Variants in RHOQ observed in about 807,000 individuals in gnomAD.
The protein encoded by RHOQ is rho-related GTP-binding protein RhoQ.
RHOQ carries 7 observed loss-of-function variants against 25.8 expected under a neutral mutation model. The observed-to-expected ratio is 0.27, with a 90% CI of 0.15 to 0.51. The LOEUF (loss-of-function observed/expected upper bound fraction) is 0.51, where lower values mean the gene tolerates loss of function less well. Among genes scored for constraint, RHOQ ranks in the 20% least tolerant of loss-of-function variants. The pLI is 0.97. For synonymous variants in RHOQ, 97 were observed against 98.6 expected (o/e 0.98, Z 0.10); for missense variants, 165 against 260.6 (o/e 0.63, Z 2.53).
In RHOQ at chr2:46,576,532, A is replaced by G. The variant is rs1414192832; in HGVS notation, c.367-29A>G. 5.3e-6 allele frequency: 7 copies of G among 1,319,164 alleles called. No individual in the cohort carries two copies. Among genetic ancestry groups the G allele is most frequent in the Non-Finnish European group, 7.5e-6 (7 of 932,506 alleles). 81.7% of individuals were successfully genotyped at this position (1,319,164 alleles called of 1,614,324 possible). A position where few individuals can be genotyped will look rare whatever the true frequency, so the allele number is the denominator to read the frequency against. On this transcript the variant is annotated intron_variant, in intron 3 of 4. Transcript: ENST00000238738. This position sits in a 1 kb window ranked among gnomAD's most constrained non-coding sequence, Gnocchi z 5.1. Reference sequence around the variant, plus strand: ...TTTTTCTTTAAAGATTTGTAATATTATGGGACATTATTGACCTTTCTTAAT... The same window carrying G: ...TTTTTCTTTAAAGATTTGTAATATTGTGGGACATTATTGACCTTTCTTAAT...
At position 46,576,539 on chromosome 2, in the gene RHOQ, A is replaced by G. The variant is rs759208401; in HGVS notation, c.367-22A>G. 2.1e-6 allele frequency: 3 copies of G among 1,402,998 alleles called. No individual in the cohort carries two copies. Among genetic ancestry groups the G allele is most frequent in the Admixed American group, 1.9e-5 (1 of 53,128 alleles). 86.9% of individuals were successfully genotyped at this position (1,402,998 alleles called of 1,614,324 possible). ...TTAAAGATTTGTAATATTATGGGAC[A>G]TTATTGACCTTTCTTAATTAGATTG... On this transcript the variant is annotated intron_variant, in intron 3 of 4. Coordinates refer to ENST00000238738, the MANE Select transcript of RHOQ (RefSeq NM_012249.4). This position sits in a 1 kb window ranked among gnomAD's most constrained non-coding sequence, Gnocchi z 5.1.
chr2:46,575,557 C>G (rs1458664277), intron 2 of RHOQ, among the ~76,000 whole-genome samples: 1 of 152,054 alleles, frequency 6.6e-6, no homozygotes, highest in Admixed American at 6.6e-5. Flanking sequence ...AATCTCAGCT[C>G]CTTGACTTAC....
At chr2:46,564,668 C>G (rs992207425) in intron 2 of RHOQ, among the ~76,000 whole-genome samples, 1 of 152,234 alleles carries the variant, frequency 6.6e-6, no homozygotes, top group African/African-American at 2.4e-5. Context: ...CAGCCTTCAT[C>G]TGAGTGTAGT....
At chr2:46,558,876 T>G (rs1668483655) in intron 2 of RHOQ, among the ~76,000 whole-genome samples, 1 of 152,196 alleles carries the variant, frequency 6.6e-6, no homozygotes, top group South Asian at 2.1e-4. Context: ...GTTTTTGAAA[T>G]GTGATTCTAT....
Position 46,576,984 on chromosome 2 carries a change from T to C in RHOQ, c.462+328T>C, listed in dbSNP as rs1669149806. 5.1e-6 allele frequency: 1 copy of C among 196,816 alleles called. No individual in the cohort carries two copies. Among genetic ancestry groups the C allele is most frequent in the Admixed American group, 5.9e-5 (1 of 17,048 alleles). The allele number at this position is 196,816 out of a possible 1,614,324, so 12.2% of individuals were successfully genotyped here. A position where few individuals can be genotyped will look rare whatever the true frequency, so the allele number is the denominator to read the frequency against. Reference sequence around the variant, plus strand: ...TGATATTTTCCTAAAAAGTCACATATGGAAAAAAGCATCGGAAACACGTGT... The same window carrying C: ...TGATATTTTCCTAAAAAGTCACATACGGAAAAAAGCATCGGAAACACGTGT... On this transcript the variant is annotated intron_variant, in intron 4 of 4. Coordinates refer to ENST00000238738, the MANE Select transcript of RHOQ (RefSeq NM_012249.4). The surrounding 1 kb of genome is among the most constrained non-coding windows in gnomAD (Gnocchi z 5.1).
At chr2:46,558,181 C>T (rs1330067742) in intron 2 of RHOQ, among the ~76,000 whole-genome samples, 3 of 152,262 alleles carry the variant, frequency 2.0e-5, no homozygotes, top group Non-Finnish European at 2.9e-5. Context: ...TGGGCTGGTG[C>T]CTCTTGCCTG....
chr2:46,544,146 A>T (rs1212547315), intron 2 of RHOQ, among the ~76,000 whole-genome samples: 1 of 151,814 alleles, frequency 6.6e-6, no homozygotes, highest in Non-Finnish European at 1.5e-5. Context: ...GTTGCAGATG[A>T]CCAGGTCTCC....
chr2:46,555,892 C>A lies in RHOQ; in HGVS notation c.201+12080C>A, dbSNP rs1317085790. 6.6e-6 allele frequency among the ~76,000 whole-genome samples: 1 copy of A among 152,176 alleles called. No individual in the cohort carries two copies. The highest frequency in any genetic ancestry group is 2.4e-5 in the African/African-American group (1 of 41,428). On this transcript the variant is annotated intron_variant, in intron 2 of 4. Transcript: ENST00000238738. The surrounding 1 kb of genome is among the most constrained non-coding windows in gnomAD (Gnocchi z 4.3). The stretch of plus-strand genomic sequence containing the variant: ...AGCTAGTATGGAAGTAGCATCTAGG[C>A]AAGCTGGTGTTAAGACGCAAGTAAT...
rs139884561 is a variant in RHOQ at position 46,577,461 on chromosome 2, G to A, written c.462+805G>A. ...GTGGCCCAGGTTGGAGTGCAGTGAC[G>A]GGATCTCAGCTCACTGCAAGCTCTG... is the stretch of plus-strand genomic sequence containing the variant. On this transcript the variant is annotated intron_variant, in intron 4 of 4. Coordinates refer to ENST00000238738, the MANE Select transcript of RHOQ (RefSeq NM_012249.4). Among the ~76,000 whole-genome samples the A allele has an allele frequency of 3.5e-4, 50 of 144,320 alleles. No individual in the cohort carries two copies. The East Asian group carries it at 9.6e-3, about 28-fold the overall frequency. 94.7% of individuals were successfully genotyped at this position (144,320 alleles called of 152,430 possible).
chr2:46,579,869 G>A (rs903430315), intron 4 of RHOQ, among the ~76,000 whole-genome samples: 1 of 149,430 alleles, frequency 6.7e-6, no homozygotes, highest in Non-Finnish European at 1.5e-5. Flanking sequence ...CCCTGAAGTC[G>A]TACTTGACCT....
intron 4 of RHOQ, among the ~76,000 whole-genome samples, chr2:46,578,602 A>AAAAAAAAAAAAAAAAG (rs1669226061): frequency 7.2e-6 from 1 of 138,880 alleles, no homozygotes; most frequent in Non-Finnish European, 1.5e-5. Context: ...AAAAAAAAAA[A>AAAAAAAAAAAAAAAAG]AAAATTAGCT....
chr2:46,567,951 G>A (rs752116175), intron 2 of RHOQ, among the ~76,000 whole-genome samples: 30 of 152,000 alleles, frequency 2.0e-4, no homozygotes, highest in African/African-American at 5.6e-4. Flanking sequence ...GCATATGCCC[G>A]TAGTATCAAC....
chr2:46,543,450 TTGACC>T, intron 1 of RHOQ: 1 of 600,048 alleles, frequency 1.7e-6, no homozygotes, highest in Non-Finnish European at 3.0e-6. Flanking sequence ...GCCGTCCTCC[TTGACC>T]TTCCCACATC....
In RHOQ at chr2:46,581,492, A is replaced by G. The variant is rs776499331; in HGVS notation, c.*409A>G. 23 of 1,611,112 alleles carry G rather than the reference A, an allele frequency of 1.4e-5. No homozygotes were observed. The highest frequency in any genetic ancestry group is 1.7e-5 in the Non-Finnish European group (20 of 1,179,414). On this transcript the variant is annotated 3_prime_UTR_variant, in exon 5 of 5. Transcript: ENST00000238738. ...CTTTGCTCCAGTTAATTGTTCTTGTATGTAAGTTGCTTTCTATTCCAGTAT... is the reference window on the plus strand; with the variant it reads ...CTTTGCTCCAGTTAATTGTTCTTGTGTGTAAGTTGCTTTCTATTCCAGTAT...
In RHOQ at chr2:46,543,192, A is replaced by C. The variant is rs765373657; in HGVS notation, c.142+4A>C. ...ACCGTCTTCGACCACTACGCAGGTA[A>C]GCCTCGGAACTGCTGACTAAGGGGC... is the stretch of plus-strand genomic sequence containing the variant. On this transcript the variant is annotated splice_donor_region_variant and intron_variant, in intron 1 of 4. Transcript: ENST00000238738. 2 of 1,611,486 alleles carry C rather than the reference A, an allele frequency of 1.2e-6. No individual in the cohort carries two copies. The highest frequency in any genetic ancestry group is 1.7e-6 in the Non-Finnish European group (2 of 1,179,180).
At chr2:46,546,932 G>A (rs1191374172) in intron 2 of RHOQ, among the ~76,000 whole-genome samples, 1 of 152,154 alleles carries the variant, frequency 6.6e-6, no homozygotes, top group Non-Finnish European at 1.5e-5. Flanking sequence ...TTTGCGCATT[G>A]TAATTCCCAT....
chr2:46,558,032 G>A (rs1167218097), intron 2 of RHOQ, among the ~76,000 whole-genome samples: 4 of 152,026 alleles, frequency 2.6e-5, no homozygotes, highest in Non-Finnish European at 5.9e-5. Flanking sequence ...TTATCTTGTT[G>A]CTTCTCTTAC....
At chr2:46,550,151 T>A (rs1668197062) in intron 2 of RHOQ, among the ~76,000 whole-genome samples, 1 of 151,914 alleles carries the variant, frequency 6.6e-6, no homozygotes, top group Non-Finnish European at 1.5e-5. Flanking sequence ...GAGGATCACT[T>A]GAGTGCAGGA....
chr2:46,547,139 A>G (rs1477494282), intron 2 of RHOQ, among the ~76,000 whole-genome samples: 1 of 152,202 alleles, frequency 6.6e-6, no homozygotes, highest in Non-Finnish European at 1.5e-5. Flanking sequence ...GAGAGTTAAG[A>G]TGGAATGAGG....
Sources: allele counts gnomAD v4.1 joint callset (sites outside exome capture counted in the v4.1 genomes callset), GRCh38; gene constraint gnomAD v4.1.1; non-coding constraint Gnocchi (gnomAD v3.1); transcripts MANE v1.5; gene names NCBI Gene and HGNC (gene_info 2026-07-23, HGNC 2026-07-21).